Variants in ABLIM1 observed in about 807,000 individuals in gnomAD.
The protein encoded by ABLIM1 is actin-binding LIM protein 1.
ABLIM1 carries 40 observed loss-of-function variants against 107.0 expected under a neutral mutation model. That is an observed-to-expected ratio of 0.37 (90% CI 0.29 to 0.49). ABLIM1 has a LOEUF of 0.49. ABLIM1 is among the 20% of genes least tolerant of loss of function. The pLI is 0.97. For missense variants in ABLIM1, 857 were observed against 1,008.5 expected (o/e 0.85, Z 2.04); for synonymous variants, 357 against 357.3 (o/e 1.00, Z 0.01).
intron 1 of ABLIM1, among the ~76,000 whole-genome samples, chr10:114,763,718 A>G (rs754696718): frequency 6.6e-6 from 1 of 152,236 alleles, no homozygotes; most frequent in African/African-American, 2.4e-5. Flanking sequence ...ACTTAAAAAT[A>G]ACTTTTTTGA....
At chr10:114,485,562 A>G (rs567698484) in intron 8 of ABLIM1, among the ~76,000 whole-genome samples, 3 of 152,356 alleles carry the variant, frequency 2.0e-5, no homozygotes, top group Admixed American at 2.0e-4. Flanking sequence ...TTAAAAGCAT[A>G]TTAACTGGTC....
At chr10:114,709,741 GGTAC>G (rs58242062) in intron 1 of ABLIM1, among the ~76,000 whole-genome samples, 2,556 of 152,212 alleles carry the variant, frequency 0.017, 70 homozygotes, top group African/African-American at 0.057. Context: ...ATATTATACA[GGTAC>G]GTCAGAACAT....
chr10:114,528,010 G>C (rs565906458), intron 6 of ABLIM1, among the ~76,000 whole-genome samples: 1 of 151,996 alleles, frequency 6.6e-6, no homozygotes, highest in East Asian at 1.9e-4. Flanking sequence ...GCTAATTTTT[G>C]TATTTTTAGT....
intron 1 of ABLIM1, among the ~76,000 whole-genome samples, chr10:114,622,253 T>C (rs1039784481): frequency 2.0e-5 from 3 of 150,894 alleles, no homozygotes; most frequent in Non-Finnish European, 3.0e-5. Context: ...TTTTCTTTTT[T>C]TTTTTTTTTT....
intron 1 of ABLIM1, among the ~76,000 whole-genome samples, chr10:114,699,981 T>C (rs1395224817): frequency 6.6e-6 from 1 of 152,136 alleles, no homozygotes; most frequent in Admixed American, 6.5e-5. Context: ...TTGTTTTTTT[T>C]CAGATGGGGT....
At chr10:114,683,871 C>T (rs181181082) in intron 1 of ABLIM1, among the ~76,000 whole-genome samples, 2 of 152,280 alleles carry the variant, frequency 1.3e-5, no homozygotes, top group Admixed American at 1.3e-4. Context: ...ACGGAACAAA[C>T]TCTCCCATCA....
intron 4 of ABLIM1, among the ~76,000 whole-genome samples, chr10:114,555,765 A>T (rs1011682693): frequency 1.3e-5 from 2 of 152,210 alleles, no homozygotes; most frequent in Non-Finnish European, 2.9e-5. Context: ...TAAAACATTT[A>T]AAAAATCAAT....
intron 1 of ABLIM1, among the ~76,000 whole-genome samples, chr10:114,741,527 C>T (rs114500179): frequency 0.021 from 3,245 of 151,998 alleles, 97 homozygotes; most frequent in African/African-American, 0.07. Context: ...GCCTGGCCAG[C>T]CTATTCTTAA....
At chr10:114,617,563 C>A (rs191607687) in intron 1 of ABLIM1, among the ~76,000 whole-genome samples, 31 of 152,160 alleles carry the variant, frequency 2.0e-4, no homozygotes, top group African/African-American at 7.2e-4. Context: ...CCACTGTGCC[C>A]AGCTTCTCAC....
At chr10:114,491,933 ATCTT>A in intron 6 of ABLIM1, 55 bp from the exon 7 acceptor site, 1 of 1,361,952 alleles carries the variant, frequency 7.3e-7, no homozygotes, top group Non-Finnish European at 1.0e-6. Flanking sequence ...GGATTCCAGA[ATCTT>A]TTCTGGACTT....
At chr10:114,724,577 A>G (rs1437461494) in intron 1 of ABLIM1, among the ~76,000 whole-genome samples, 1 of 152,002 alleles carries the variant, frequency 6.6e-6, no homozygotes, top group African/African-American at 2.4e-5. Context: ...CCTTCCCATC[A>G]TTCCCTAGAG....
chr10:114,650,946 T>C (rs2079212237), intron 1 of ABLIM1, among the ~76,000 whole-genome samples: 1 of 152,136 alleles, frequency 6.6e-6, no homozygotes, highest in South Asian at 2.1e-4. Context: ...GCAATGTGGG[T>C]AGTATTATCC....
At chr10:114,653,226 T>C (rs1419330648) in intron 1 of ABLIM1, among the ~76,000 whole-genome samples, 2 of 152,302 alleles carry the variant, frequency 1.3e-5, no homozygotes, top group African/African-American at 4.8e-5. Flanking sequence ...ATTGAGAATA[T>C]CAAACATGGA....
rs1333885423 is a variant in ABLIM1 at position 114,619,756 on chromosome 10, T to C, written c.245-17795A>G. 6.6e-6 allele frequency among the ~76,000 whole-genome samples: 1 copy of C among 152,166 alleles called. No individual in the cohort carries two copies. Among genetic ancestry groups the C allele is most frequent in the Non-Finnish European group, 1.5e-5 (1 of 68,028 alleles). On this transcript the variant is annotated intron_variant, in intron 1 of 22. Transcript: ENST00000533213. This position sits in a 1 kb window ranked among gnomAD's most constrained non-coding sequence, Gnocchi z 4.1. ...CCAACTGAAAAAGCAATTCCAGAAA[T>C]ACCAGGCTTGAAAGCTGACATGGGC...
At chr10:114,540,164 GC>G (rs1359849450) in intron 6 of ABLIM1, among the ~76,000 whole-genome samples, 1 of 152,170 alleles carries the variant, frequency 6.6e-6, no homozygotes, top group African/African-American at 2.4e-5. Flanking sequence ...TATGCTCTAT[GC>G]TGAGTGTTAC....
intron 1 of ABLIM1, chr10:114,690,640 T>C (rs1047631121): frequency 1.3e-5 from 9 of 713,240 alleles, no homozygotes; most frequent in Middle Eastern, 2.4e-4. Flanking sequence ...GGATTGACTA[T>C]GGCTGATACT....
the ABLIM1 span, among the ~76,000 whole-genome samples, chr10:114,788,772 G>A: frequency 1.4e-4 from 21 of 151,472 alleles, 2 homozygotes; most frequent in South Asian, 4.4e-3. Context: ...AAACCTCATA[G>A]GCTTGCCAGA....
Position 114,712,976 on chromosome 10 carries a change from G to A in ABLIM1, c.-213+55085C>T, listed in dbSNP as rs116152557. Among the ~76,000 whole-genome samples, 1,326 of 152,196 alleles carry A rather than the reference G, an allele frequency of 8.7e-3. 17 individuals carry two copies. Among genetic ancestry groups the A allele is most frequent in the African/African-American group, 0.031 (1,275 of 41,516 alleles). On this transcript the variant is annotated intron_variant, in intron 1 of 15. Transcript: ENST00000651092. ...AAGATGGGAGGATCCCTTGAGCCCAGGAGTTCAAAGTTGCAGTAGCTATGA... is the reference window on the plus strand; with the variant it reads ...AAGATGGGAGGATCCCTTGAGCCCAAGAGTTCAAAGTTGCAGTAGCTATGA...
At chr10:114,688,002 C>T (rs2080983028), upstream of ABLIM1, among the ~76,000 whole-genome samples, 1 of 152,046 alleles carries the variant, frequency 6.6e-6, no homozygotes, top group Non-Finnish European at 1.5e-5. Context: ...TGTTGGAGAG[C>T]AGTTTCCAGA....
Sources: gnomAD v4.1 joint callset for allele counts (sites outside exome capture counted in the v4.1 genomes callset) on GRCh38, gnomAD v4.1.1 for gene constraint, Gnocchi (gnomAD v3.1) non-coding constraint, MANE v1.5 for transcripts, NCBI Gene and HGNC (gene_info 2026-07-23, HGNC 2026-07-21) for gene names.